The following CDK6 variants were observed in gnomAD, a reference collection of about 807,000 sequenced individuals.
The protein encoded by CDK6 is cyclin-dependent kinase 6.
CDK6 carries 6 observed loss-of-function variants against 37.1 expected under a neutral mutation model. The observed-to-expected ratio is 0.16, with a 90% CI of 0.09 to 0.32. The LOEUF (loss-of-function observed/expected upper bound fraction) is 0.32, where lower values mean the gene tolerates loss of function less well. Ranked by LOEUF, CDK6 falls within the 10% of genes least tolerant of loss-of-function variation. The pLI is 1.00. For missense variants in CDK6, 224 were observed against 418.9 expected, an observed-to-expected ratio of 0.53 and a Z score of 4.06; for synonymous variants, 160 against 161.3, an observed-to-expected ratio of 0.99 and a Z score of 0.06.
intron 5 of CDK6, among the ~76,000 whole-genome samples, chr7:92,645,515 G>A (rs1159567060): frequency 6.6e-6 from 1 of 152,250 alleles, no homozygotes; most frequent in East Asian, 1.9e-4. Flanking sequence ...AGAAACCATG[G>A]TTCAATCCAG....
intron 4 of CDK6, among the ~76,000 whole-genome samples, chr7:92,676,673 CTCTAA>C (rs1468840258): frequency 2.6e-5 from 4 of 152,056 alleles, no homozygotes; most frequent in African/African-American, 9.7e-5. Context: ...CTAAACTGTG[CTCTAA>C]TCTGTTTATT....
chr7:92,618,725 A>C (rs1795735721), intron 6 of CDK6, among the ~76,000 whole-genome samples: 1 of 152,232 alleles, frequency 6.6e-6, no homozygotes, highest in Non-Finnish European at 1.5e-5. Context: ...TTAAATATAT[A>C]CATTAGAATC....
chr7:92,620,367 T>G (rs1403532551), intron 6 of CDK6, among the ~76,000 whole-genome samples: 3 of 152,220 alleles, frequency 2.0e-5, no homozygotes, highest in Non-Finnish European at 2.9e-5. Flanking sequence ...GTTATTAGTC[T>G]CATTTTATAG....
At chr7:92,724,095 C>G (rs1276628493) in intron 4 of CDK6, among the ~76,000 whole-genome samples, 1 of 152,092 alleles carries the variant, frequency 6.6e-6, no homozygotes, top group Non-Finnish European at 1.5e-5. Context: ...CTCTCTGGAT[C>G]ACAAAGCCTA....
chr7:92,662,577 C>T (rs747429401), intron 5 of CDK6, among the ~76,000 whole-genome samples: 2 of 152,144 alleles, frequency 1.3e-5, no homozygotes, highest in Non-Finnish European at 2.9e-5. Context: ...GAGAAGAAAA[C>T]ATTAATTCTC....
At chr7:92,645,811 CG>C (rs1289311118) in intron 5 of CDK6, among the ~76,000 whole-genome samples, 9 of 152,210 alleles carry the variant, frequency 5.9e-5, no homozygotes, top group African/African-American at 7.2e-5. Flanking sequence ...GTCTTTCCTT[CG>C]GAGTTTATTT....
intron 4 of CDK6, among the ~76,000 whole-genome samples, chr7:92,714,321 A>C (rs1585422008): frequency 6.6e-6 from 1 of 152,300 alleles, no homozygotes; most frequent in African/African-American, 2.4e-5. Context: ...ATAAAATCTA[A>C]TGGCATGATT....
intron 5 of CDK6, among the ~76,000 whole-genome samples, chr7:92,633,594 G>C (rs966335778): frequency 6.7e-6 from 1 of 148,664 alleles, no homozygotes; most frequent in Non-Finnish European, 1.5e-5. Context: ...GGATGTGCTT[G>C]TTGAAATAAA....
intron 4 of CDK6, among the ~76,000 whole-genome samples, chr7:92,705,479 A>T (rs1393917105): frequency 2.0e-5 from 3 of 152,186 alleles, no homozygotes; most frequent in African/African-American, 4.8e-5. Flanking sequence ...GAGCAGCATT[A>T]AAAAAACTTG....
intron 4 of CDK6, among the ~76,000 whole-genome samples, chr7:92,718,186 C>G (rs938973440): frequency 2.6e-5 from 4 of 152,176 alleles, no homozygotes; most frequent in African/African-American, 9.6e-5. Flanking sequence ...GTACTGGCAA[C>G]TGGATGTTTT....
At chr7:92,633,358 C>T (rs1464805556) in intron 5 of CDK6, among the ~76,000 whole-genome samples, 1 of 152,044 alleles carries the variant, frequency 6.6e-6, no homozygotes, top group East Asian at 1.9e-4. Flanking sequence ...CAGAACAGAC[C>T]TATTTGAATA....
chr7:92,705,469 G>C (rs931975174), intron 4 of CDK6, among the ~76,000 whole-genome samples: 1 of 152,108 alleles, frequency 6.6e-6, no homozygotes, highest in Admixed American at 6.5e-5. Flanking sequence ...AAAGAGCTTT[G>C]AGCAGCATTA....
At chr7:92,643,037 G>A (rs1796349977) in intron 5 of CDK6, among the ~76,000 whole-genome samples, 1 of 151,978 alleles carries the variant, frequency 6.6e-6, no homozygotes, top group Admixed American at 6.6e-5. Flanking sequence ...TGGGACTATA[G>A]GCATGTACCA....
chr7:92,634,440 T>G (rs1796123093), intron 5 of CDK6, among the ~76,000 whole-genome samples: 1 of 152,078 alleles, frequency 6.6e-6, no homozygotes, highest in Admixed American at 6.6e-5. Context: ...GCATAATGTA[T>G]TTTAGTGCTT....
chr7:92,820,074 G>A (rs1178720127), intron 2 of CDK6, among the ~76,000 whole-genome samples: 1 of 152,076 alleles, frequency 6.6e-6, no homozygotes, highest in Non-Finnish European at 1.5e-5. Flanking sequence ...CCCACCATAT[G>A]TAGACACATA....
intron 2 of CDK6, among the ~76,000 whole-genome samples, chr7:92,818,996 G>A (rs1294759805): frequency 3.9e-5 from 6 of 152,044 alleles, no homozygotes; most frequent in African/African-American, 1.4e-4. Flanking sequence ...CCAGTTTGGA[G>A]AAGTTTGACA....
rs1795509974 is a variant in CDK6, at chr7:92,609,329, A to C, written c.*5811T>G. On this transcript the variant is annotated 3_prime_UTR_variant, in exon 8 of 8. Transcript: ENST00000424848. ...TCATTTGGGGTATAAGAAGTCTTTA[A>C]GTAGACTTGTAAATTTAAAAAAAGT... 1 of 232,306 alleles carries C rather than the reference A, an allele frequency of 4.3e-6. No homozygotes were observed. Among genetic ancestry groups the C allele is most frequent in the South Asian group, 1.8e-4 (1 of 5,528 alleles). The allele number at this position is 232,306 out of a possible 1,614,324, so 14.4% of individuals were successfully genotyped here.
chr7:92,692,850 C>T (rs908785668), intron 4 of CDK6, among the ~76,000 whole-genome samples: 4 of 152,082 alleles, frequency 2.6e-5, no homozygotes, highest in Non-Finnish European at 4.4e-5. Context: ...GTGAATATTA[C>T]AATAAATTCA....
chr7:92,814,206 G>C (rs1464374415), intron 2 of CDK6, among the ~76,000 whole-genome samples: 1 of 152,088 alleles, frequency 6.6e-6, no homozygotes, highest in African/African-American at 2.4e-5. Flanking sequence ...TGAAAACCTA[G>C]AAGATGACAA....
Sources: allele counts gnomAD v4.1 joint callset (sites outside exome capture counted in the v4.1 genomes callset), GRCh38; gene constraint gnomAD v4.1.1; transcripts MANE v1.5; gene names NCBI Gene and HGNC (gene_info 2026-07-23, HGNC 2026-07-21).